The following LINGO2 variants were observed in gnomAD, a reference collection of about 807,000 sequenced individuals.
The protein encoded by LINGO2 is leucine rich repeat and Ig domain containing 2.
A neutral mutation model predicts 30.6 loss-of-function variants in LINGO2; 14 were observed. The observed-to-expected ratio is 0.46, with a 90% CI of 0.30 to 0.72. The LOEUF (loss-of-function observed/expected upper bound fraction) is 0.72, where lower values mean the gene tolerates loss of function less well. LINGO2 is among the 30% of genes least tolerant of loss of function. The pLI is 0.07. For synonymous variants in LINGO2, 317 were observed against 288.5 expected, an observed-to-expected ratio of 1.10 and a Z score of -1.00; for missense variants, 729 against 751.7, an observed-to-expected ratio of 0.97 and a Z score of 0.35.
At chr9:28,819,272 A>G in the LINGO2 span, among the ~76,000 whole-genome samples, 2 of 151,964 alleles carry the variant, frequency 1.3e-5, no homozygotes, top group Admixed American at 1.3e-4. Flanking sequence ...CTTTCATCCA[A>G]TTCTTTTCAG....
chr9:28,836,817 A>T, the LINGO2 span, among the ~76,000 whole-genome samples: 2 of 152,136 alleles, frequency 1.3e-5, no homozygotes, highest in African/African-American at 4.8e-5. Context: ...TTATTTTAGA[A>T]TATAATTCTA....
the LINGO2 span, among the ~76,000 whole-genome samples, chr9:28,981,735 T>G: frequency 6.6e-6 from 1 of 152,132 alleles, no homozygotes; most frequent in Admixed American, 6.6e-5. Context: ...TGAATGGTAC[T>G]TGCAAGGACT....
At chr9:28,665,545 T>C (rs1828768195) in intron 1 of LINGO2, among the ~76,000 whole-genome samples, 1 of 152,028 alleles carries the variant, frequency 6.6e-6, no homozygotes, top group African/African-American at 2.4e-5. Flanking sequence ...AGAAACTTCA[T>C]AAAGGATGAA....
chr9:28,023,576 GTT>G (rs1211357626), intron 4 of LINGO2, among the ~76,000 whole-genome samples: 1 of 152,154 alleles, frequency 6.6e-6, no homozygotes, highest in Non-Finnish European at 1.5e-5. Flanking sequence ...GACCTTACAA[GTT>G]TTCTTAGCTT....
the LINGO2 span, among the ~76,000 whole-genome samples, chr9:29,059,752 T>A: frequency 6.6e-6 from 1 of 152,050 alleles, no homozygotes; most frequent in South Asian, 2.1e-4. Flanking sequence ...CAACTTAACA[T>A]TATAATATCT....
At chr9:28,720,907 C>G in the LINGO2 span, among the ~76,000 whole-genome samples, 1 of 151,950 alleles carries the variant, frequency 6.6e-6, no homozygotes, top group Non-Finnish European at 1.5e-5. Context: ...ACACATCACT[C>G]TAAATAGTGA....
At chr9:28,776,595 T>G in the LINGO2 span, among the ~76,000 whole-genome samples, 1 of 152,184 alleles carries the variant, frequency 6.6e-6, no homozygotes, top group East Asian at 1.9e-4. Context: ...TTTCCTTTCA[T>G]GCATTCTCCC....
At chr9:28,090,169 T>C (rs1826035850) in intron 4 of LINGO2, among the ~76,000 whole-genome samples, 1 of 152,154 alleles carries the variant, frequency 6.6e-6, no homozygotes, top group African/African-American at 2.4e-5. Flanking sequence ...TCTGAAACTA[T>C]TCCAATCAAT....
chr9:28,938,434 G>A, the LINGO2 span, among the ~76,000 whole-genome samples: 1 of 151,858 alleles, frequency 6.6e-6, no homozygotes, highest in East Asian at 1.9e-4. Context: ...TTACTTATGA[G>A]TATTATAGTA....
intron 5 of LINGO2, among the ~76,000 whole-genome samples, chr9:27,973,583 A>C (rs1300517505): frequency 6.6e-6 from 1 of 152,336 alleles, no homozygotes; most frequent in East Asian, 1.9e-4. Flanking sequence ...AAGGAAAAGA[A>C]GCCAACGTGG....
chr9:29,034,679 A>G, the LINGO2 span, among the ~76,000 whole-genome samples: 1 of 152,194 alleles, frequency 6.6e-6, no homozygotes, highest in Non-Finnish European at 1.5e-5. Flanking sequence ...ATATCAATAA[A>G]TTAATCATTA....
At chr9:28,411,883 A>T (rs953604518) in intron 2 of LINGO2, among the ~76,000 whole-genome samples, 7 of 152,226 alleles carry the variant, frequency 4.6e-5, no homozygotes, top group Non-Finnish European at 1.0e-4. Context: ...AATCCCATTA[A>T]CAGTGTACAA....
At chr9:28,201,705 A>T (rs2133823050) in intron 4 of LINGO2, among the ~76,000 whole-genome samples, 1 of 152,114 alleles carries the variant, frequency 6.6e-6, no homozygotes, top group Middle Eastern at 3.4e-3. Context: ...ACAGTGTAAA[A>T]GTGTTATAAT....
intron 1 of LINGO2, among the ~76,000 whole-genome samples, chr9:28,493,948 G>T (rs1819478960): frequency 6.6e-6 from 1 of 152,060 alleles, no homozygotes; most frequent in Non-Finnish European, 1.5e-5. Flanking sequence ...TCTCTCCTCA[G>T]CTTGCAGATG....
chr9:28,965,278 A>T, the LINGO2 span, among the ~76,000 whole-genome samples: 1 of 152,006 alleles, frequency 6.6e-6, no homozygotes, highest in Non-Finnish European at 1.5e-5. Flanking sequence ...GAGTATTTTT[A>T]TTTAAACCCA....
the LINGO2 span, among the ~76,000 whole-genome samples, chr9:29,138,183 T>C: frequency 6.6e-6 from 1 of 152,110 alleles, no homozygotes; most frequent in African/African-American, 2.4e-5. Context: ...AACTGGAACC[T>C]ATATATAATA....
the LINGO2 span, among the ~76,000 whole-genome samples, chr9:29,008,412 C>G: frequency 1.1e-4 from 16 of 152,116 alleles, no homozygotes; most frequent in African/African-American, 3.9e-4. Context: ...TTTATAGCAG[C>G]ATGATTTATA....
chr9:28,276,340 C>T (rs1376508213), intron 4 of LINGO2, among the ~76,000 whole-genome samples: 1 of 152,170 alleles, frequency 6.6e-6, no homozygotes, highest in Non-Finnish European at 1.5e-5. Flanking sequence ...CTTCTCTCAT[C>T]TTTATCTTTC....
chr9:28,143,770 A>G (rs1021757376), intron 4 of LINGO2, among the ~76,000 whole-genome samples: 3 of 152,168 alleles, frequency 2.0e-5, no homozygotes, highest in Non-Finnish European at 4.4e-5. Context: ...AATTTTTCCA[A>G]GCATAAGAAC....
Sources: gnomAD v4.1 joint callset for allele counts (sites outside exome capture counted in the v4.1 genomes callset) on GRCh38, gnomAD v4.1.1 for gene constraint, MANE v1.5 for transcripts, NCBI Gene and HGNC (gene_info 2026-07-23, HGNC 2026-07-21) for gene names.